ZBTB7C: variants seen among roughly 807,000 people sequenced by gnomAD.
The protein encoded by ZBTB7C is zinc finger and BTB domain containing 7C.
In ZBTB7C, 8 loss-of-function variants were observed where a neutral mutation model predicts 25.7. The ratio of observed to expected loss-of-function variants is 0.31; its 90% CI spans 0.18 to 0.56. The LOEUF (loss-of-function observed/expected upper bound fraction) is 0.56. Among genes scored for constraint, ZBTB7C ranks in the 20% least tolerant of loss-of-function variants. The pLI, the probability that ZBTB7C is intolerant of heterozygous loss-of-function variation, is 0.91. For missense variants in ZBTB7C, 824 were observed against 855.2 expected, an observed-to-expected ratio of 0.96 and a Z score of 0.46; for synonymous variants, 394 against 369.0, an observed-to-expected ratio of 1.07 and a Z score of -0.78.
Position 48,202,316 on chromosome 18 carries a change from C to CG in ZBTB7C, c.-78-16322dup, listed in dbSNP as rs1001092183. On this transcript the variant is annotated intron_variant, in intron 2 of 4. Coordinates refer to ENST00000590800, the MANE Select transcript of ZBTB7C (RefSeq NM_001318841.2). ...CAGGGTATCTGCCTGTGCAGCACAG[C>CG]GGGGGCTGCTGAGTCCAAGAGGTCG... 3.3e-5 allele frequency among the ~76,000 whole-genome samples: 5 copies of CG among 152,136 alleles called. No homozygotes were observed. In the East Asian group the frequency reaches 7.7e-4, roughly 24 times the overall value.
At chr18:48,354,744 GGGCT>G (rs2046940207) in intron 1 of ZBTB7C, among the ~76,000 whole-genome samples, 1 of 152,174 alleles carries the variant, frequency 6.6e-6, no homozygotes. Context: ...AGGGAGGAAA[GGGCT>G]GGTGTGTCAG....
intron 4 of ZBTB7C, among the ~76,000 whole-genome samples, chr18:48,032,449 T>TG: frequency 7.3e-6 from 1 of 137,898 alleles, no homozygotes; most frequent in Non-Finnish European, 1.6e-5. Context: ...TTTTTTTTTT[T>TG]TTTGAGACGG....
Position 48,103,112 on chromosome 18 carries a change from T to TC in ZBTB7C, c.-16-61990_-16-61989insG, listed in dbSNP as rs371534337. Among the ~76,000 whole-genome samples the TC allele has an allele frequency of 4.7e-3, 611 of 130,940 alleles. 4 individuals are homozygous for TC. Among genetic ancestry groups the TC allele is most frequent in the African/African-American group, 0.014 (483 of 33,940 alleles). 85.9% of individuals were successfully genotyped at this position (130,940 alleles called of 152,430 possible). A position where few individuals can be genotyped will look rare whatever the true frequency, so the allele number is the denominator to read the frequency against. ...TCTTATATATATTATATATTTTATATTATCTATCTATCTATCTATCTATCT... is the reference window on the plus strand; with the variant it reads ...TCTTATATATATTATATATTTTATATCTATCTATCTATCTATCTATCTATCT... On this transcript the variant is annotated intron_variant, in intron 3 of 4. Coordinates refer to ENST00000590800, the MANE Select transcript of ZBTB7C (RefSeq NM_001318841.2).
At chr18:48,199,812 G>A (rs1027669418) in intron 2 of ZBTB7C, among the ~76,000 whole-genome samples, 1 of 152,152 alleles carries the variant, frequency 6.6e-6, no homozygotes, top group South Asian at 2.1e-4. Context: ...GGATTAGGGA[G>A]GGATCTGGTC....
chr18:48,265,338 T>C (rs1187544732), intron 2 of ZBTB7C, among the ~76,000 whole-genome samples: 1 of 152,256 alleles, frequency 6.6e-6, no homozygotes, highest in Non-Finnish European at 1.5e-5. Context: ...AATCTGTCTT[T>C]ATCTCTTTAG....
chr18:48,373,683 C>T lies in ZBTB7C; in HGVS notation c.-303-35285G>A, dbSNP rs531734857. 7.9e-5 allele frequency among the ~76,000 whole-genome samples: 12 copies of T among 152,266 alleles called. 1 individual carries two copies. The highest frequency in any genetic ancestry group is 2.4e-4 in the African/African-American group (10 of 41,560). ...TCTGGTTATTTAAAAGTCTGTGGGC[C>T]GGGCACTATGGCTCACGCCTGTAAT... On this transcript the variant is annotated intron_variant, in intron 1 of 4. Coordinates refer to ENST00000590800, the MANE Select transcript of ZBTB7C (RefSeq NM_001318841.2).
intron 1 of ZBTB7C, among the ~76,000 whole-genome samples, chr18:48,369,662 G>T (rs1336155622): frequency 6.6e-6 from 1 of 152,116 alleles, no homozygotes; most frequent in Non-Finnish European, 1.5e-5. Context: ...GAGGGATATT[G>T]TATAATGATA....
At chr18:48,361,980 A>G (rs1195481908) in intron 1 of ZBTB7C, among the ~76,000 whole-genome samples, 1 of 152,176 alleles carries the variant, frequency 6.6e-6, no homozygotes, top group Admixed American at 6.5e-5. Context: ...GCCAGGGAGC[A>G]TGTGCCTCTC....
intron 3 of ZBTB7C, among the ~76,000 whole-genome samples, chr18:48,045,144 G>C (rs529724235): frequency 6.6e-6 from 1 of 152,208 alleles, no homozygotes; most frequent in Non-Finnish European, 1.5e-5. Flanking sequence ...GATTTGGGTG[G>C]CACTGCCCTC....
intron 2 of ZBTB7C, among the ~76,000 whole-genome samples, chr18:48,291,418 T>C (rs949282032): frequency 6.6e-6 from 1 of 152,110 alleles, no homozygotes; most frequent in Non-Finnish European, 1.5e-5. Context: ...GTTTCCTCCC[T>C]TGGGGGATTA....
At chr18:48,066,733 C>T (rs1001504833) in intron 3 of ZBTB7C, among the ~76,000 whole-genome samples, 8 of 152,202 alleles carry the variant, frequency 5.3e-5, no homozygotes, top group African/African-American at 1.9e-4. Flanking sequence ...AGGCACTTCT[C>T]TTCAAGCTCT....
chr18:48,138,345 T>C (rs572662564), intron 3 of ZBTB7C, among the ~76,000 whole-genome samples: 1 of 152,158 alleles, frequency 6.6e-6, no homozygotes, highest in African/African-American at 2.4e-5. Flanking sequence ...TGTTAGAGAT[T>C]CATTCCTTCT....
chr18:48,302,903 A>G (rs2045579446), intron 2 of ZBTB7C, among the ~76,000 whole-genome samples: 1 of 152,104 alleles, frequency 6.6e-6, no homozygotes, highest in Admixed American at 6.5e-5. Context: ...AGGGCCCACA[A>G]TCCAAATGCA....
intron 2 of ZBTB7C, among the ~76,000 whole-genome samples, chr18:48,328,814 CA>C (rs949012056): frequency 9.4e-5 from 14 of 149,060 alleles, no homozygotes; most frequent in South Asian, 2.2e-4. Context: ...CCCCGCCCCA[CA>C]AAAAAAAAAT....
At chr18:48,218,169 G>T (rs1429790388) in intron 2 of ZBTB7C, among the ~76,000 whole-genome samples, 1 of 152,200 alleles carries the variant, frequency 6.6e-6, no homozygotes, top group Non-Finnish European at 1.5e-5. Flanking sequence ...AGCTTCCCTT[G>T]TGGCCTTGGG....
At chr18:48,030,369 A>G (rs777745411) in intron 4 of ZBTB7C, among the ~76,000 whole-genome samples, 4 of 152,098 alleles carry the variant, frequency 2.6e-5, no homozygotes, top group Non-Finnish European at 5.9e-5. Context: ...CTTTGGCCCA[A>G]AGTCCCTGGT....
At chr18:48,300,924 G>A (rs1242632486) in intron 2 of ZBTB7C, among the ~76,000 whole-genome samples, 1 of 152,256 alleles carries the variant, frequency 6.6e-6, no homozygotes, top group Non-Finnish European at 1.5e-5. Flanking sequence ...GATGTGGGCA[G>A]GCACAGCTGG....
At chr18:48,104,107 A>G (rs1464143126) in intron 3 of ZBTB7C, among the ~76,000 whole-genome samples, 1 of 152,186 alleles carries the variant, frequency 6.6e-6, no homozygotes, top group Non-Finnish European at 1.5e-5. Flanking sequence ...TATAGTTTGG[A>G]TATCTGGCCC....
At chr18:48,177,462 C>A (rs2041719227) in intron 3 of ZBTB7C, among the ~76,000 whole-genome samples, 1 of 152,196 alleles carries the variant, frequency 6.6e-6, no homozygotes, top group African/African-American at 2.4e-5. Context: ...TTTATGGCCC[C>A]ATCTCTCCTC....
Sources: gnomAD v4.1 joint callset for allele counts (sites outside exome capture counted in the v4.1 genomes callset) on GRCh38, gnomAD v4.1.1 for gene constraint, MANE v1.5 for transcripts, NCBI Gene and HGNC (gene_info 2026-07-23, HGNC 2026-07-21) for gene names.